TCF7L1: variants seen among roughly 807,000 people sequenced by gnomAD.
TCF7L1 encodes the protein transcription factor 7-like 1.
A neutral mutation model predicts 63.7 loss-of-function variants in TCF7L1; 18 were observed. That is an observed-to-expected ratio of 0.28 (90% CI 0.20 to 0.42). The LOEUF is 0.42. Among genes scored for constraint, TCF7L1 ranks in the 10% least tolerant of loss-of-function variants. The pLI, the probability that TCF7L1 is intolerant of heterozygous loss-of-function variation, is 1.00. For missense variants in TCF7L1, 654 were observed against 779.3 expected, an observed-to-expected ratio of 0.84 and a Z score of 1.91; for synonymous variants, 355 against 340.9, an observed-to-expected ratio of 1.04 and a Z score of -0.46.
chr2:85,308,482 C>CCTCCCTCCTTTTCTCCCTCCCTTTCTGT (rs1558663592), intron 11 of TCF7L1, among the ~76,000 whole-genome samples: 1 of 63,096 alleles, frequency 1.6e-5, no homozygotes, highest in Non-Finnish European at 3.1e-5. Context: ...TCTCCCCCTC[C>CCTCCCTCCTTTTCTCCCTCCCTTTCTGT]TTCCCTCCCT....
intron 3 of TCF7L1, among the ~76,000 whole-genome samples, chr2:85,250,174 A>G (rs569860420): frequency 5.9e-5 from 9 of 152,246 alleles, no homozygotes; most frequent in East Asian, 1.9e-4. Flanking sequence ...GTGTTTGCCA[A>G]TTTCCATGAT....
At chr2:85,139,282 C>T (rs1480460152) in intron 3 of TCF7L1, among the ~76,000 whole-genome samples, 1 of 152,226 alleles carries the variant, frequency 6.6e-6, no homozygotes, top group African/African-American at 2.4e-5. Flanking sequence ...GCTGGGATTA[C>T]AGGCGTGAGC....
Position 85,309,823 on chromosome 2 carries a change from T to C in TCF7L1, c.*361T>C, listed in dbSNP as rs916363981. 9.1e-6 allele frequency: 2 copies of C among 219,296 alleles called. No homozygotes were observed. Among genetic ancestry groups the C allele is most frequent in the Admixed American group, 5.4e-5 (1 of 18,412 alleles). The allele number at this position is 219,296 out of a possible 1,614,324, so 13.6% of individuals were successfully genotyped here. On this transcript the variant is annotated 3_prime_UTR_variant, in exon 12 of 12. Coordinates refer to ENST00000282111, the MANE Select transcript of TCF7L1 (RefSeq NM_031283.3). ...CTCGCCCCTGCCGCCTGCCCCAGCT[T>C]CCCCGACTCCATCTGCAGCTCTGCC... is the stretch of plus-strand genomic sequence containing the variant.
At chr2:85,138,955 C>T (rs1308349756) in intron 3 of TCF7L1, among the ~76,000 whole-genome samples, 2 of 152,028 alleles carry the variant, frequency 1.3e-5, no homozygotes, top group African/African-American at 4.8e-5. Flanking sequence ...AATTTAGAGA[C>T]ACCTTTTACA....
chr2:85,309,472 G>A lies in TCF7L1; in HGVS notation c.*10G>A, dbSNP rs751127954. On this transcript the variant is annotated 3_prime_UTR_variant, in exon 12 of 12. Coordinates refer to ENST00000282111, the MANE Select transcript of TCF7L1 (RefSeq NM_031283.3). ...CAAGTCTGCCCACTAAGCTCCCCCCGACCCCTGCAGGCTGTCACATGACTC... is the reference window on the plus strand; with the variant it reads ...CAAGTCTGCCCACTAAGCTCCCCCCAACCCCTGCAGGCTGTCACATGACTC... 2.1e-5 allele frequency: 32 copies of A among 1,516,500 alleles called. No individual in the cohort carries two copies. Among genetic ancestry groups the A allele is most frequent in the Middle Eastern group, 1.8e-4 (1 of 5,622 alleles). 93.9% of individuals were successfully genotyped at this position (1,516,500 alleles called of 1,614,324 possible). A position where few individuals can be genotyped will look rare whatever the true frequency, so the allele number is the denominator to read the frequency against.
At chr2:85,292,425 T>G (rs1352616507) in intron 4 of TCF7L1, among the ~76,000 whole-genome samples, 1 of 152,182 alleles carries the variant, frequency 6.6e-6, no homozygotes, top group Admixed American at 6.5e-5. Context: ...GATTTAACTT[T>G]CTGTGATGTT....
At chr2:85,226,878 C>T (rs1679967631) in intron 3 of TCF7L1, among the ~76,000 whole-genome samples, 1 of 148,756 alleles carries the variant, frequency 6.7e-6, no homozygotes, top group African/African-American at 2.5e-5. Context: ...CTCGTGCTTG[C>T]AAACCTTCAA....
chr2:85,268,173 C>G (rs988657528), intron 3 of TCF7L1, among the ~76,000 whole-genome samples: 1 of 152,186 alleles, frequency 6.6e-6, no homozygotes, highest in East Asian at 1.9e-4. Flanking sequence ...CCAGTGGCAG[C>G]GGACTTTCCC....
At chr2:85,266,625 A>C (rs1188476281) in intron 3 of TCF7L1, among the ~76,000 whole-genome samples, 1 of 152,230 alleles carries the variant, frequency 6.6e-6, no homozygotes, top group Non-Finnish European at 1.5e-5. Context: ...TTGGTCCAGC[A>C]TGCTTCCGGT....
chr2:85,280,241 G>A (rs139579758), intron 3 of TCF7L1, among the ~76,000 whole-genome samples: 3 of 152,164 alleles, frequency 2.0e-5, no homozygotes, highest in East Asian at 1.9e-4. Context: ...GGAGTGCATC[G>A]GCATTTAGTA....
intron 3 of TCF7L1, among the ~76,000 whole-genome samples, chr2:85,250,928 G>C (rs887176702): frequency 1.3e-5 from 2 of 152,212 alleles, no homozygotes; most frequent in African/African-American, 4.8e-5. Context: ...AGGAGAAACT[G>C]TAGTCTCGGA....
chr2:85,155,406 C>G (rs985885133), intron 3 of TCF7L1, among the ~76,000 whole-genome samples: 1 of 152,188 alleles, frequency 6.6e-6, no homozygotes, highest in East Asian at 1.9e-4. Flanking sequence ...GCTGTTCACT[C>G]TTTGGGTCCG....
chr2:85,249,955 A>G (rs989078158), intron 3 of TCF7L1, among the ~76,000 whole-genome samples: 2 of 152,242 alleles, frequency 1.3e-5, no homozygotes, highest in Admixed American at 1.3e-4. Flanking sequence ...GTGTAAAGAC[A>G]TAGACAAAGA....
chr2:85,291,240 G>A (rs898461621), intron 4 of TCF7L1, among the ~76,000 whole-genome samples: 4 of 152,178 alleles, frequency 2.6e-5, no homozygotes, highest in African/African-American at 9.7e-5. Context: ...AAATTTTCAA[G>A]TTCTGGTTCC....
intron 3 of TCF7L1, among the ~76,000 whole-genome samples, chr2:85,204,305 C>CCG (rs1491092855): frequency 9.3e-6 from 1 of 107,958 alleles, no homozygotes; most frequent in Non-Finnish European, 2.0e-5. Flanking sequence ...CCCCCCCCCC[C>CCG]ACTTAATAGG....
chr2:85,172,313 G>A (rs952325684), intron 3 of TCF7L1, among the ~76,000 whole-genome samples: 1 of 152,104 alleles, frequency 6.6e-6, no homozygotes, highest in Non-Finnish European at 1.5e-5. Flanking sequence ...GGCCCCTGTG[G>A]CCACCACCCC....
chr2:85,196,869 A>G (rs185545853), intron 3 of TCF7L1, among the ~76,000 whole-genome samples: 60 of 152,112 alleles, frequency 3.9e-4, no homozygotes, highest in Non-Finnish European at 7.4e-4. Flanking sequence ...CCACTGCCCA[A>G]CCCCTTCCCC....
chr2:85,251,810 C>T (rs934169330), intron 3 of TCF7L1, among the ~76,000 whole-genome samples: 6 of 152,304 alleles, frequency 3.9e-5, no homozygotes, highest in Admixed American at 6.5e-5. Flanking sequence ...CAGTGGCTCA[C>T]GCCTGTAATC....
Position 85,133,777 on chromosome 2 carries a change from C to T in TCF7L1, c.93C>T (p.Asp31=). 1.5e-6 allele frequency: 2 copies of T among 1,341,844 alleles called. No individual in the cohort carries two copies. Among genetic ancestry groups the T allele is most frequent in the Non-Finnish European group, 1.9e-6 (2 of 1,043,192 alleles). The allele number at this position is 1,341,844 out of a possible 1,614,324, so 83.1% of individuals were successfully genotyped here. A position where few individuals can be genotyped will look rare whatever the true frequency, so the allele number is the denominator to read the frequency against. The change falls in exon 1 of 12, where the codon GAC becomes GAT. Residue 31 remains aspartate (D), a synonymous_variant. Transcript: ENST00000282111. The surrounding 1 kb of genome is among the most constrained non-coding windows in gnomAD (Gnocchi z 4.4). ...SSAGAAGGGD[D]LGANDELIPF... ...CCGGGGCGGCCGGCGGAGGGGACGA[C>T]CTCGGGGCGAACGACGAGCTGATCC...
Sources: gnomAD v4.1 joint callset for allele counts (sites outside exome capture counted in the v4.1 genomes callset) on GRCh38, gnomAD v4.1.1 for gene constraint, Gnocchi (gnomAD v3.1) non-coding constraint, MANE v1.5 for transcripts, NCBI Gene and HGNC (gene_info 2026-07-23, HGNC 2026-07-21) for gene names.